PSMB2: variants seen among roughly 807,000 people sequenced by gnomAD.
PSMB2 encodes the protein proteasome subunit beta type-2.
PSMB2 carries 13 observed loss-of-function variants against 25.7 expected under a neutral mutation model. The observed-to-expected ratio is 0.51, with a 90% CI of 0.33 to 0.80. PSMB2 has a LOEUF of 0.80. Among genes scored for constraint, PSMB2 ranks in the 30% least tolerant of loss-of-function variants. PSMB2 has a pLI of 0.02. For missense variants in PSMB2, 202 were observed against 259.0 expected, an observed-to-expected ratio of 0.78 and a Z score of 1.51; for synonymous variants, 87 against 96.2, an observed-to-expected ratio of 0.90 and a Z score of 0.56.
intron 3 of PSMB2, among the ~76,000 whole-genome samples, chr1:35,626,066 G>A (rs1378097680): frequency 1.3e-5 from 2 of 152,078 alleles, no homozygotes; most frequent in Non-Finnish European, 2.9e-5. Flanking sequence ...TTGAACTCCT[G>A]GGCTCAACTG....
rs181205793 is a variant in PSMB2, at chr1:35,601,576, C to T, written c.*1691G>A. On this transcript the variant is annotated 3_prime_UTR_variant, in exon 6 of 6. Coordinates refer to ENST00000373237, the MANE Select transcript of PSMB2 (RefSeq NM_002794.5). ...GGCGTATTAAATAGTGTATAAGACA[C>T]CCAAATCTAATGTTAACCCAATACT... is the stretch of plus-strand genomic sequence containing the variant. 1.0e-5 allele frequency: 10 copies of T among 985,088 alleles called. No individual in the cohort carries two copies. The Admixed American group carries it at 5.5e-4, about 54-fold the overall frequency. The allele number at this position is 985,088 out of a possible 1,614,324, so 61.0% of individuals were successfully genotyped here.
At chr1:35,620,312 C>T (rs1160224307) in intron 3 of PSMB2, among the ~76,000 whole-genome samples, 1 of 152,058 alleles carries the variant, frequency 6.6e-6, no homozygotes, top group Non-Finnish European at 1.5e-5. Context: ...CCATTAGCAC[C>T]CCAGATCCAA....
chr1:35,637,721 G>A (rs1651284975), intron 1 of PSMB2, among the ~76,000 whole-genome samples: 3 of 152,000 alleles, frequency 2.0e-5, no homozygotes, highest in African/African-American at 7.3e-5. Flanking sequence ...AGACTTGGAG[G>A]GAAAAAACAC....
At position 35,600,941 on chromosome 1, in the gene PSMB2, C is replaced by T. The variant is rs141175942; in HGVS notation, c.*2326G>A. 6 of 984,648 alleles carry T rather than the reference C, an allele frequency of 6.1e-6. No homozygotes were observed. The highest frequency in any genetic ancestry group is 9.4e-5 in the South Asian group (2 of 21,246). The allele number at this position is 984,648 out of a possible 1,614,324, so 61.0% of individuals were successfully genotyped here. ...TTACTTCATGGAATTCTCATATCTA[C>T]CACATAGAATAGGTGCTATTTCAGT... On this transcript the variant is annotated 3_prime_UTR_variant, in exon 6 of 6. Transcript: ENST00000373237.
At chr1:35,612,498 A>G (rs778273497) in intron 3 of PSMB2, among the ~76,000 whole-genome samples, 17 of 152,318 alleles carry the variant, frequency 1.1e-4, no homozygotes, top group Non-Finnish European at 2.4e-4. Flanking sequence ...TAAATTAGCT[A>G]CAGATTTTAA....
chr1:35,633,303 T>C (rs1359592225), intron 2 of PSMB2, among the ~76,000 whole-genome samples: 1 of 151,954 alleles, frequency 6.6e-6, no homozygotes, highest in Non-Finnish European at 1.5e-5. Flanking sequence ...TAAACACCAC[T>C]GAAGATCTGA....
intron 3 of PSMB2, among the ~76,000 whole-genome samples, chr1:35,621,417 A>G (rs1437190722): frequency 6.6e-6 from 1 of 152,202 alleles, no homozygotes; most frequent in African/African-American, 2.4e-5. Context: ...GGCTGAATGA[A>G]TATCAGCAGG....
chr1:35,616,529 T>C (rs904274155), intron 3 of PSMB2, among the ~76,000 whole-genome samples: 1 of 152,216 alleles, frequency 6.6e-6, no homozygotes, highest in African/African-American at 2.4e-5. Flanking sequence ...GCTTCCCAAG[T>C]AGCTGGGACT....
chr1:35,641,292 G>A, intron 1 of PSMB2, 50 bp downstream of exon 1: 3 of 1,609,868 alleles, frequency 1.9e-6, no homozygotes, highest in Non-Finnish European at 2.5e-6. Context: ...AACTCCTTCT[G>A]GCCGCTCCTA....
At chr1:35,626,286 C>T (rs1247217341) in intron 3 of PSMB2, among the ~76,000 whole-genome samples, 2 of 152,102 alleles carry the variant, frequency 1.3e-5, no homozygotes, top group South Asian at 4.1e-4. Context: ...TGTCTTTTTT[C>T]GTCTTCTGAT....
chr1:35,615,385 C>T (rs1483196505), intron 3 of PSMB2, among the ~76,000 whole-genome samples: 1 of 152,208 alleles, frequency 6.6e-6, no homozygotes, highest in Non-Finnish European at 1.5e-5. Flanking sequence ...GTGCACTGCA[C>T]ACAGGCAAAC....
At chr1:35,635,923 T>G (rs549020228) in intron 2 of PSMB2, among the ~76,000 whole-genome samples, 2 of 151,610 alleles carry the variant, frequency 1.3e-5, no homozygotes, top group Admixed American at 1.3e-4. Flanking sequence ...CCAATTGTTA[T>G]AGGCTGAATT....
Position 35,641,343 on chromosome 1 carries a change from G to A in PSMB2, c.90C>T (p.Asp30=). Residue 30 remains aspartate (D), a splice_region_variant and synonymous_variant, in exon 1 of 6, where the codon GAC becomes GAT. Coordinates refer to ENST00000373237, the MANE Select transcript of PSMB2 (RefSeq NM_002794.5). ...CGGGCCTCCCCTGCTTCCTCTCACC[G>A]TCCTTCATCTGGACAATATTGCTGG... ...VAASNIVQMK[D]DHDKMFKMSE... 3 of 1,613,992 alleles carry A rather than the reference G, an allele frequency of 1.9e-6. No individual in the cohort carries two copies. The highest frequency in any genetic ancestry group is 2.2e-5 in the East Asian group (1 of 44,880).
At chr1:35,620,295 A>C (rs16866317) in intron 3 of PSMB2, among the ~76,000 whole-genome samples, 1 of 152,128 alleles carries the variant, frequency 6.6e-6, no homozygotes, top group East Asian at 1.9e-4. Flanking sequence ...TATTAGAACC[A>C]TGTTCCCCAT....
intron 1 of PSMB2, among the ~76,000 whole-genome samples, chr1:35,640,211 G>A (rs1343476132): frequency 6.6e-6 from 1 of 152,098 alleles, no homozygotes; most frequent in Non-Finnish European, 1.5e-5. Context: ...TGTTGAAAAA[G>A]TATTAAGCTT....
intron 3 of PSMB2, among the ~76,000 whole-genome samples, chr1:35,614,662 T>C (rs1650444008): frequency 6.6e-6 from 1 of 152,132 alleles, no homozygotes; most frequent in African/African-American, 2.4e-5. Flanking sequence ...ACCCAAACAT[T>C]TAGCTAAGAT....
intron 3 of PSMB2, among the ~76,000 whole-genome samples, chr1:35,611,727 G>A (rs962260973): frequency 1.3e-5 from 2 of 152,126 alleles, no homozygotes; most frequent in African/African-American, 4.8e-5. Context: ...GGGAGGCTGA[G>A]GCATGAGAAT....
intron 3 of PSMB2, 73 bp downstream of exon 3, chr1:35,631,201 T>C: frequency 2.0e-6 from 3 of 1,495,126 alleles, no homozygotes; most frequent in Admixed American, 3.4e-5. Flanking sequence ...ATACTACTCA[T>C]GTATAATGAG....
chr1:35,613,535 A>G (rs1650398089), intron 3 of PSMB2, among the ~76,000 whole-genome samples: 1 of 152,224 alleles, frequency 6.6e-6, no homozygotes, highest in South Asian at 2.1e-4. Context: ...AAGAAAAGTC[A>G]CTAAACAAAT....
Sources: gnomAD v4.1 joint callset for allele counts (sites outside exome capture counted in the v4.1 genomes callset) on GRCh38, gnomAD v4.1.1 for gene constraint, MANE v1.5 for transcripts, NCBI Gene and HGNC (gene_info 2026-07-23, HGNC 2026-07-21) for gene names.